Variants in THOC7 observed in about 807,000 individuals in gnomAD.
THOC7 encodes the protein NIF3L1-binding protein 1.
Under a neutral mutation model 33.1 loss-of-function variants are expected in THOC7, and 22 were observed. The observed-to-expected ratio is 0.66, with a 90% CI of 0.47 to 0.95. THOC7 has a LOEUF of 0.95. Among genes scored for constraint, THOC7 ranks in the 40% least tolerant of loss-of-function variants. The pLI is 0.00. For missense variants in THOC7, 184 were observed against 245.3 expected (o/e 0.75, Z 1.67); for synonymous variants, 77 against 76.8 (o/e 1.00, Z -0.01).
intron 1 of THOC7, among the ~76,000 whole-genome samples, chr3:63,856,629 C>G (rs989177065): frequency 1.3e-5 from 2 of 152,112 alleles, no homozygotes; most frequent in African/African-American, 4.8e-5. Flanking sequence ...CACTGGTATA[C>G]TAGCCAGCAG....
intron 1 of THOC7, among the ~76,000 whole-genome samples, chr3:63,853,909 A>G (rs1269477118): frequency 1.4e-5 from 2 of 139,928 alleles, no homozygotes; most frequent in Admixed American, 1.4e-4. Context: ...CTCCGTCTCA[A>G]AAAAAAAAAA....
chr3:63,855,865 G>A (rs1227910315), intron 1 of THOC7, among the ~76,000 whole-genome samples: 1 of 152,132 alleles, frequency 6.6e-6, no homozygotes, highest in East Asian at 1.9e-4. Flanking sequence ...AATTTGGTAG[G>A]TACCAAACTG....
intron 6 of THOC7, 33 bp downstream of exon 6, chr3:63,835,291 C>G (rs771526976): frequency 6.2e-7 from 1 of 1,612,818 alleles, no homozygotes; most frequent in South Asian, 1.1e-5. Flanking sequence ...GACAGATAGA[C>G]AGATCATGAA....
chr3:63,856,993 C>T (rs1383158198), intron 1 of THOC7, among the ~76,000 whole-genome samples: 1 of 152,224 alleles, frequency 6.6e-6, no homozygotes, highest in Non-Finnish European at 1.5e-5. Flanking sequence ...GCTGGGATTA[C>T]AGGCGTGAGC....
intron 1 of THOC7, among the ~76,000 whole-genome samples, chr3:63,862,107 T>C (rs1241694732): frequency 1.3e-5 from 2 of 152,224 alleles, no homozygotes; most frequent in African/African-American, 4.8e-5. Flanking sequence ...TGTGTTTTAA[T>C]GCCAATCTGA....
intron 5 of THOC7, 113 bp downstream of exon 5, chr3:63,836,188 C>G: frequency 1.1e-6 from 1 of 933,336 alleles, no homozygotes. Context: ...TATTGAATAT[C>G]TGACCCCTCC....
chr3:63,840,079 C>G (rs1701726432), intron 1 of THOC7, among the ~76,000 whole-genome samples: 1 of 152,120 alleles, frequency 6.6e-6, no homozygotes, highest in African/African-American at 2.4e-5. Context: ...GACATCGTTA[C>G]AGAGTTGGCA....
At chr3:63,838,594 A>G in intron 2 of THOC7, 95 bp from the exon 3 acceptor site, 1 of 1,239,450 alleles carries the variant, frequency 8.1e-7, no homozygotes, top group Admixed American at 2.7e-5. Flanking sequence ...ATTAAATTAT[A>G]GCAAGTTCTG....
chr3:63,838,183 A>C lies in THOC7; in HGVS notation c.266-121T>G, dbSNP rs920926100. 6.8e-6 allele frequency: 7 copies of C among 1,027,518 alleles called. No individual in the cohort carries two copies. In the African/African-American group the frequency reaches 9.9e-5, roughly 14 times the overall value. 63.7% of individuals were successfully genotyped at this position (1,027,518 alleles called of 1,614,324 possible). ...AAAATAGACACTAGTATTTTTAAAA[A>C]ATAGCTGTAACCCAAAGTACTATAT... On this transcript the variant is annotated intron_variant, in intron 3 of 7. Transcript: ENST00000295899.
At chr3:63,843,824 C>A (rs1403190841) in intron 1 of THOC7, among the ~76,000 whole-genome samples, 2 of 151,952 alleles carry the variant, frequency 1.3e-5, no homozygotes, top group Non-Finnish European at 2.9e-5. Context: ...TGGCGTGAAC[C>A]CGGGAGGCGG....
At position 63,838,075 on chromosome 3, in the gene THOC7, GT is replaced by G; in HGVS notation, c.266-14del. Reference sequence around the variant, plus strand: ...GCTATGCTACATTCTATATGAGAAGGTTTTTTAAAAGATAGTTGTAACAAAA... The same window carrying G: ...GCTATGCTACATTCTATATGAGAAGGTTTTTAAAAGATAGTTGTAACAAAA... On this transcript the variant is annotated splice_polypyrimidine_tract_variant and intron_variant, in intron 3 of 7. Coordinates refer to ENST00000295899, the MANE Select transcript of THOC7 (RefSeq NM_025075.4). 6.3e-7 allele frequency: 1 copy of G among 1,577,372 alleles called. No individual in the cohort carries two copies. Among genetic ancestry groups the G allele is most frequent in the Non-Finnish European group, 8.6e-7 (1 of 1,166,074 alleles).
At chr3:63,856,908 C>T (rs1482388556) in intron 1 of THOC7, among the ~76,000 whole-genome samples, 2 of 152,070 alleles carry the variant, frequency 1.3e-5, no homozygotes, top group Admixed American at 6.6e-5. Flanking sequence ...TTAGTAGAGA[C>T]GGGGTTTCAC....
chr3:63,843,112 ATTTGTTTGTTTG>A (rs767250587), intron 1 of THOC7, among the ~76,000 whole-genome samples: 1 of 149,314 alleles, frequency 6.7e-6, no homozygotes, highest in South Asian at 2.1e-4. Context: ...CCGTATGTAT[ATTTGTTTGTTTG>A]TTTGTTTGTT....
chr3:63,838,603 T>G (rs1028466692), intron 2 of THOC7, 104 bp from the exon 3 acceptor site: 1 of 1,140,604 alleles, frequency 8.8e-7, no homozygotes, highest in Non-Finnish European at 1.2e-6. Context: ...TAGCAAGTTC[T>G]GAGAGAATCA....
At chr3:63,863,723 G>A (rs1024632373) in intron 1 of THOC7, 49 bp downstream of exon 1, 13 of 1,248,474 alleles carry the variant, frequency 1.0e-5, no homozygotes, top group Non-Finnish European at 1.3e-5. Context: ...CTCAGGGGAG[G>A]CCCAGCGGGC....
intron 2 of THOC7, among the ~76,000 whole-genome samples, chr3:63,839,051 A>G (rs1701698514): frequency 6.6e-6 from 1 of 152,132 alleles, no homozygotes; most frequent in Non-Finnish European, 1.5e-5. Context: ...TTAGTCAGTC[A>G]TGGTGTTGCA....
chr3:63,837,909 T>TA, intron 4 of THOC7, 67 bp downstream of exon 4: 1 of 1,452,288 alleles, frequency 6.9e-7, no homozygotes, highest in Middle Eastern at 1.8e-4. Context: ...CTCACAACAT[T>TA]AAAAACTGCA....
intron 1 of THOC7, among the ~76,000 whole-genome samples, chr3:63,857,960 T>C (rs915612172): frequency 6.6e-6 from 1 of 152,096 alleles, no homozygotes; most frequent in Non-Finnish European, 1.5e-5. Context: ...CAGTTATCCC[T>C]GTGTTGGGGC....
At chr3:63,864,151 G>A (rs1702328641), upstream of THOC7, among the ~76,000 whole-genome samples, 1 of 149,422 alleles carries the variant, frequency 6.7e-6, no homozygotes, top group African/African-American at 2.4e-5. Flanking sequence ...GCCGCAGCCA[G>A]CCGCCAGGTG....
Sources: gnomAD v4.1 joint callset for allele counts (sites outside exome capture counted in the v4.1 genomes callset) on GRCh38, gnomAD v4.1.1 for gene constraint, MANE v1.5 for transcripts, NCBI Gene and HGNC (gene_info 2026-07-23, HGNC 2026-07-21) for gene names.